Variants in MON2 observed in about 807,000 individuals in gnomAD.
The protein encoded by MON2 is protein MON2 homolog.
In MON2, 84 loss-of-function variants were observed where a neutral mutation model predicts 208.6. That is an observed-to-expected ratio of 0.40 (90% CI 0.34 to 0.48). The LOEUF (loss-of-function observed/expected upper bound fraction) is 0.48. MON2 is among the 20% of genes least tolerant of loss of function. The pLI, the probability that MON2 is intolerant of heterozygous loss-of-function variation, is 0.59. For missense variants in MON2, 1,611 were observed against 2,015.4 expected, an observed-to-expected ratio of 0.80 and a Z score of 3.84; for synonymous variants, 660 against 694.0, an observed-to-expected ratio of 0.95 and a Z score of 0.77.
intron 32 of MON2, among the ~76,000 whole-genome samples, chr12:62,585,065 G>GCACA (rs57834850): frequency 4.1e-4 from 41 of 98,822 alleles, no homozygotes; most frequent in African/African-American, 6.6e-4. Context: ...CTCTCTACAT[G>GCACA]CACACACACA....
In MON2 at chr12:62,567,658, T is replaced by C. The variant is rs529341569; in HGVS notation, c.4323+1208T>C. ...CTCACTGCTTACCTCACCAAAACTA[T>C]CCTCTCACTTTATTTATTGAGCATA... On this transcript the variant is annotated intron_variant, in intron 29 of 34. Transcript: ENST00000393630. Among the ~76,000 whole-genome samples, 5 of 152,306 alleles carry C rather than the reference T, an allele frequency of 3.3e-5. No homozygotes were observed. In the East Asian group the frequency reaches 9.6e-4, roughly 29 times the overall value.
intron 6 of MON2, among the ~76,000 whole-genome samples, 184 bp downstream of exon 6, chr12:62,501,064 G>A (rs923534765): frequency 1.4e-4 from 21 of 152,008 alleles, no homozygotes; most frequent in South Asian, 8.3e-4. Flanking sequence ...ATGATAAAAC[G>A]TTATTACTCA....
chr12:62,544,562 T>C (rs1398648840), intron 20 of MON2, among the ~76,000 whole-genome samples: 3 of 152,218 alleles, frequency 2.0e-5, no homozygotes, highest in African/African-American at 7.2e-5. Context: ...CCTTCATTAA[T>C]GGATGGTCTC....
Position 62,537,269 on chromosome 12 carries a change from G to A in MON2, c.2013+6G>A, listed in dbSNP as rs1320389722. 2 of 1,578,296 alleles carry A rather than the reference G, an allele frequency of 1.3e-6. No individual in the cohort carries two copies. On this transcript the variant is annotated splice_donor_region_variant and intron_variant, in intron 15 of 34. Coordinates refer to ENST00000393630, the MANE Select transcript of MON2 (RefSeq NM_015026.3). Reference sequence around the variant, plus strand: ...AGCCTCAAGGGACAGTAATGGTAATGTACTTGTATTTTTCTTGGTTATCAA... The same window carrying A: ...AGCCTCAAGGGACAGTAATGGTAATATACTTGTATTTTTCTTGGTTATCAA...
intron 7 of MON2, among the ~76,000 whole-genome samples, chr12:62,503,323 A>G (rs1033321695): frequency 1.3e-5 from 2 of 152,136 alleles, no homozygotes; most frequent in Non-Finnish European, 2.9e-5. Context: ...TCTTTTTTAT[A>G]TACACATCAC....
At chr12:62,558,897 C>G (rs2074095663) in intron 25 of MON2, among the ~76,000 whole-genome samples, 1 of 152,080 alleles carries the variant, frequency 6.6e-6, no homozygotes, top group Non-Finnish European at 1.5e-5. Flanking sequence ...AGGGTTTCAT[C>G]ATGTTGGCCA....
intron 27 of MON2, 129 bp from the exon 28 acceptor site, chr12:62,565,885 G>C: frequency 1.3e-6 from 1 of 758,290 alleles, no homozygotes; most frequent in Non-Finnish European, 2.0e-6. Flanking sequence ...GTAAATTTCT[G>C]AATGCATGCC....
chr12:62,584,304 C>G (rs1565713194), intron 32 of MON2, among the ~76,000 whole-genome samples: 1 of 152,110 alleles, frequency 6.6e-6, no homozygotes, highest in Non-Finnish European at 1.5e-5. Flanking sequence ...TAATATATGA[C>G]ATTTTCGGAG....
chr12:62,475,450 C>T (rs2069018856), intron 1 of MON2, among the ~76,000 whole-genome samples: 1 of 150,368 alleles, frequency 6.7e-6, no homozygotes. Flanking sequence ...GTAATTTAGC[C>T]TGGGTGAAAG....
chr12:62,537,241 T>A lies in MON2; in HGVS notation c.1991T>A (p.Val664Asp), dbSNP rs778149151. The change falls in exon 15 of 35, where the codon GTC (valine) becomes GAC (aspartate). Residue 664 changes from valine (V) to aspartate (D), a missense_variant. By Grantham distance (152) the Val-to-Asp change is radical (BLOSUM62 -3). Transcript: ENST00000393630. Reference sequence around the variant, plus strand: ...GTGGCAGTGGGTCAACCTTTAGCAGTCCAGCCTCAAGGGACAGTAATGGTA... The same window carrying A: ...GTGGCAGTGGGTCAACCTTTAGCAGACCAGCCTCAAGGGACAGTAATGGTA... ...QVVAVGQPLA[V>D]QPQGTVMLTS... 1 of 1,610,026 alleles carries A rather than the reference T, an allele frequency of 6.2e-7. No homozygotes were observed. The highest frequency in any genetic ancestry group is 1.1e-5 in the South Asian group (1 of 90,864).
Position 62,484,166 on chromosome 12 carries a change from G to T in MON2, c.112-4G>T. 6.3e-7 allele frequency: 1 copy of T among 1,584,358 alleles called. No individual in the cohort carries two copies. Among genetic ancestry groups the T allele is most frequent in the Non-Finnish European group, 8.6e-7 (1 of 1,164,054 alleles). ...TTGTGTTCTAATTATTTTTATTCTT[G>T]CAGGCTGCTGAATCAGGAATAATAA... On this transcript the variant is annotated splice_polypyrimidine_tract_variant and splice_region_variant and intron_variant, in intron 1 of 34. Transcript: ENST00000393630.
At chr12:62,497,701 C>T (rs1318869857) in intron 4 of MON2, among the ~76,000 whole-genome samples, 1 of 152,052 alleles carries the variant, frequency 6.6e-6, no homozygotes, top group Non-Finnish European at 1.5e-5. Context: ...TGCAACCTTC[C>T]ACCTCCCAGG....
At chr12:62,529,962 C>G (rs920739756) in intron 11 of MON2, among the ~76,000 whole-genome samples, 8 of 152,036 alleles carry the variant, frequency 5.3e-5, no homozygotes, top group African/African-American at 1.9e-4. Context: ...GTTATCACCT[C>G]AAACATTTAT....
intron 1 of MON2, among the ~76,000 whole-genome samples, chr12:62,479,704 C>T (rs769969977): frequency 1.3e-5 from 2 of 152,104 alleles, no homozygotes; most frequent in Non-Finnish European, 2.9e-5. Context: ...AGATTGTCCT[C>T]AGCAGTAGAT....
In MON2 at chr12:62,578,550, C is replaced by T. The variant is rs529123427; in HGVS notation, c.4575+45C>T. On this transcript the variant is annotated intron_variant, in intron 31 of 34. Transcript: ENST00000393630. ...TGTTTTCCTGTGACCATTTTTGAAA[C>T]CAAATAGTAAAAATGTTTGAACTAT... 131 of 1,218,502 alleles carry T rather than the reference C, an allele frequency of 1.1e-4. 1 individual carries two copies. In the South Asian group the frequency reaches 1.7e-3, roughly 16 times the overall value. 75.5% of individuals were successfully genotyped at this position (1,218,502 alleles called of 1,614,324 possible).
rs757771210 is a variant in MON2 at position 62,534,818 on chromosome 12, A to T, written c.1634-27A>T. The T allele has an allele frequency of 3.9e-6, 6 of 1,533,588 alleles. No homozygotes were observed. The East Asian group carries it at 9.1e-5, about 23-fold the overall frequency. The allele number at this position is 1,533,588 out of a possible 1,614,324, so 95.0% of individuals were successfully genotyped here. ...TATTGTGCTATCTATAATTAAAATT[A>T]AATATTGTATGTTTTTTTCCTTTAA... On this transcript the variant is annotated intron_variant, in intron 12 of 34. Transcript: ENST00000393630.
chr12:62,512,034 A>G (rs1041820458), intron 8 of MON2, among the ~76,000 whole-genome samples: 14 of 152,284 alleles, frequency 9.2e-5, no homozygotes, highest in East Asian at 5.8e-4. Context: ...ACTTACTATC[A>G]TGAGAACAGC....
At position 62,585,418 on chromosome 12, in the gene MON2, C is replaced by G. The variant is rs536771302; in HGVS notation, c.4824C>G (p.Leu1608=). Residue 1608 remains leucine, a synonymous_variant, in exon 33 of 35, where the codon CTC becomes CTG. Transcript: ENST00000393630. ...PQEGYISRMA[L]SVLLKRSQDV... ...AAGGCTACATCTCACGAATGGCACTCTCAGTGCTTTTAAAGAGGTCCCAAG... is the reference window on the plus strand; with the variant it reads ...AAGGCTACATCTCACGAATGGCACTGTCAGTGCTTTTAAAGAGGTCCCAAG... 6.2e-7 allele frequency: 1 copy of G among 1,613,760 alleles called. No individual in the cohort carries two copies. The highest frequency in any genetic ancestry group is 2.2e-5 in the East Asian group (1 of 44,846).
intron 25 of MON2, among the ~76,000 whole-genome samples, chr12:62,557,933 TATA>T (rs1400684093): frequency 5.3e-5 from 2 of 37,468 alleles, no homozygotes; most frequent in African/African-American, 2.5e-4. Flanking sequence ...TAGATTTATA[TATA>T]TATATATATA....
Sources: gnomAD v4.1 joint callset for allele counts (sites outside exome capture counted in the v4.1 genomes callset) on GRCh38, gnomAD v4.1.1 for gene constraint, MANE v1.5 for transcripts, NCBI Gene and HGNC (gene_info 2026-07-23, HGNC 2026-07-21) for gene names.